The following PAX5 variants were observed in gnomAD, a reference collection of about 807,000 sequenced individuals.
The protein encoded by PAX5 is paired box 5, also known as paired box protein Pax-5.
A neutral mutation model predicts 43.7 loss-of-function variants in PAX5; 9 were observed. That is an observed-to-expected ratio of 0.21 (90% CI 0.12 to 0.36). The LOEUF (loss-of-function observed/expected upper bound fraction) is 0.36. PAX5 is among the 10% of genes least tolerant of loss of function. PAX5 has a pLI of 1.00. For synonymous variants in PAX5, 228 were observed against 214.3 expected, an observed-to-expected ratio of 1.06 and a Z score of -0.56; for missense variants, 383 against 532.7, an observed-to-expected ratio of 0.72 and a Z score of 2.77.
Position 36,838,007 on chromosome 9 carries a change from G to A in PAX5, c.*2553C>T. 2 of 233,314 alleles carry A rather than the reference G, an allele frequency of 8.6e-6. No individual in the cohort carries two copies. Among genetic ancestry groups the A allele is most frequent in the Non-Finnish European group, 8.5e-6 (1 of 118,086 alleles). The allele number at this position is 233,314 out of a possible 1,614,324, so 14.5% of individuals were successfully genotyped here. On this transcript the variant is annotated 3_prime_UTR_variant, in exon 10 of 10. Coordinates refer to ENST00000358127, the MANE Select transcript of PAX5 (RefSeq NM_016734.3). ...CAGGGGGCAGAGGCTCAAGAAGTCT[G>A]TGCTGAAGACCCCTGACCCCACCAC...
chr9:37,000,077 C>T (rs540385157), intron 5 of PAX5, among the ~76,000 whole-genome samples: 12 of 152,170 alleles, frequency 7.9e-5, no homozygotes, highest in African/African-American at 2.9e-4. Flanking sequence ...CCTCCATCCC[C>T]TCCCCTAGTA....
intron 7 of PAX5, among the ~76,000 whole-genome samples, chr9:36,892,625 C>T (rs751643597): frequency 2.0e-5 from 3 of 152,158 alleles, no homozygotes; most frequent in South Asian, 2.1e-4. Flanking sequence ...ACAAAATGCA[C>T]GCTCCCCTGT....
chr9:36,840,208 C>G lies in PAX5; in HGVS notation c.*352G>C, dbSNP rs1196873071. The G allele has an allele frequency of 2.1e-6, 1 of 465,516 alleles. No homozygotes were observed. The highest frequency in any genetic ancestry group is 3.9e-5 in the East Asian group (1 of 25,800). The allele number at this position is 465,516 out of a possible 1,614,324, so 28.8% of individuals were successfully genotyped here. A position where few individuals can be genotyped will look rare whatever the true frequency, so the allele number is the denominator to read the frequency against. On this transcript the variant is annotated 3_prime_UTR_variant, in exon 10 of 10. Coordinates refer to ENST00000358127, the MANE Select transcript of PAX5 (RefSeq NM_016734.3). ...TGCTGAAGCAACAAAAGCAAGCTCT[C>G]CTTCCCAGGCTGGGGTGGTTATGAT...
intron 8 of PAX5, among the ~76,000 whole-genome samples, chr9:36,866,236 G>GT (rs1587810188): frequency 1.3e-5 from 2 of 152,252 alleles, no homozygotes; most frequent in East Asian, 3.8e-4. Flanking sequence ...CAGAACCTCA[G>GT]TTGGGGTCGT....
At chr9:36,995,679 G>A (rs966725993) in intron 5 of PAX5, among the ~76,000 whole-genome samples, 1 of 152,204 alleles carries the variant, frequency 6.6e-6, no homozygotes, top group African/African-American at 2.4e-5. Flanking sequence ...GATCTGGGCA[G>A]ACCGCCTCTC....
chr9:36,890,533 C>T (rs560383635), intron 7 of PAX5, among the ~76,000 whole-genome samples: 1 of 152,328 alleles, frequency 6.6e-6, no homozygotes, highest in East Asian at 1.9e-4. Context: ...TTCACCCCCT[C>T]TCTGGGCCTT....
At position 37,002,560 on chromosome 9, in the gene PAX5, C is replaced by T. The variant is rs543698028; in HGVS notation, c.604+88G>A. On this transcript the variant is annotated intron_variant, in intron 5 of 9. Coordinates refer to ENST00000358127, the MANE Select transcript of PAX5 (RefSeq NM_016734.3). ...CCTCTGCAGGTAAGGGGGGTGTTCG[C>T]GGGCACCTCTGCTGCCACCCGCGAC... 7.2e-5 allele frequency: 102 copies of T among 1,425,258 alleles called. No homozygotes were observed. In the East Asian group the frequency reaches 2.3e-3, roughly 31 times the overall value. 88.3% of individuals were successfully genotyped at this position (1,425,258 alleles called of 1,614,324 possible). A position where few individuals can be genotyped will look rare whatever the true frequency, so the allele number is the denominator to read the frequency against.
intron 5 of PAX5, among the ~76,000 whole-genome samples, chr9:36,990,806 C>T (rs1046654200): frequency 1.3e-5 from 2 of 152,190 alleles, no homozygotes; most frequent in East Asian, 1.9e-4. Context: ...CCCTGCTTCC[C>T]GCTAATTTAA....
intron 8 of PAX5, among the ~76,000 whole-genome samples, chr9:36,856,904 G>A (rs542611755): frequency 6.6e-6 from 1 of 152,326 alleles, no homozygotes; most frequent in Non-Finnish European, 1.5e-5. Context: ...GCCACTGGCA[G>A]ATGCTTGGCC....
chr9:36,971,212 G>C (rs1834904189), intron 5 of PAX5, among the ~76,000 whole-genome samples: 1 of 152,246 alleles, frequency 6.6e-6, no homozygotes, highest in South Asian at 2.1e-4. Flanking sequence ...AAAGGTACAA[G>C]TATCAACCAA....
At chr9:37,026,017 T>G (rs1840318304) in intron 1 of PAX5, among the ~76,000 whole-genome samples, 1 of 152,196 alleles carries the variant, frequency 6.6e-6, no homozygotes, top group South Asian at 2.1e-4. Context: ...CAGGACGCCT[T>G]TGGAGCCCTA....
In PAX5 at chr9:36,882,139, C is replaced by A. The variant is rs1388575556; in HGVS notation, c.911-34G>T. On this transcript the variant is annotated intron_variant, in intron 7 of 9. Transcript: ENST00000358127. This position sits in a 1 kb window ranked among gnomAD's most constrained non-coding sequence, Gnocchi z 4.4. ...TCAAAGCAACAAATCACAGGGTGAG[C>A]ATCTTCGCGGCCAGCCGCTCATGTC... 2.0e-6 allele frequency: 3 copies of A among 1,522,496 alleles called. No homozygotes were observed. 94.3% of individuals were successfully genotyped at this position (1,522,496 alleles called of 1,614,324 possible). A position where few individuals can be genotyped will look rare whatever the true frequency, so the allele number is the denominator to read the frequency against.
intron 5 of PAX5, among the ~76,000 whole-genome samples, chr9:36,994,953 C>A (rs1175715949): frequency 6.6e-6 from 1 of 152,158 alleles, no homozygotes; most frequent in African/African-American, 2.4e-5. Flanking sequence ...CCCAGCAGAA[C>A]CTTGGTCCTG....
chr9:36,888,095 G>T (rs748706014), intron 7 of PAX5, among the ~76,000 whole-genome samples: 3 of 152,152 alleles, frequency 2.0e-5, no homozygotes, highest in Non-Finnish European at 4.4e-5. Context: ...ATACCCACTG[G>T]GAAGGTCACA....
At chr9:36,933,405 A>C (rs767600869) in intron 6 of PAX5, among the ~76,000 whole-genome samples, 6 of 152,078 alleles carry the variant, frequency 3.9e-5, no homozygotes, top group Non-Finnish European at 5.9e-5. Flanking sequence ...CAAACACAAG[A>C]AGTCTAAGTC....
intron 4 of PAX5, among the ~76,000 whole-genome samples, chr9:37,003,170 A>AAC (rs1201433996): frequency 3.4e-4 from 50 of 146,908 alleles, no homozygotes; most frequent in African/African-American, 1.2e-3. Flanking sequence ...AAAAAAAAAA[A>AAC]AAAAAAAAAA....
chr9:36,894,676 CA>C lies in PAX5; in HGVS notation c.911-12572del, dbSNP rs201466392. Among the ~76,000 whole-genome samples the C allele has an allele frequency of 6.5e-3, 993 of 152,334 alleles. 6 individuals are homozygous for C. The highest frequency in any genetic ancestry group is 0.023 in the African/African-American group (954 of 41,572). On this transcript the variant is annotated intron_variant, in intron 7 of 9. Transcript: ENST00000358127. The stretch of plus-strand genomic sequence containing the variant: ...GTCACATGGATTAAATTAACAAATA[CA>C]GGTAAGGCCCCTAGCACAGGGCCCA...
chr9:36,851,994 A>C (rs1210986223), intron 8 of PAX5, among the ~76,000 whole-genome samples: 1 of 152,190 alleles, frequency 6.6e-6, no homozygotes, highest in Non-Finnish European at 1.5e-5. Flanking sequence ...TTCCTCTTCC[A>C]AGCTGTGTGG....
chr9:36,928,431 A>G (rs1450409932), intron 6 of PAX5, among the ~76,000 whole-genome samples: 1 of 152,206 alleles, frequency 6.6e-6, no homozygotes, highest in South Asian at 2.1e-4. Context: ...CTATGCTTCC[A>G]TACTTGGTGG....
Sources: allele counts gnomAD v4.1 joint callset (sites outside exome capture counted in the v4.1 genomes callset), GRCh38; gene constraint gnomAD v4.1.1; non-coding constraint Gnocchi (gnomAD v3.1); transcripts MANE v1.5; gene names NCBI Gene and HGNC (gene_info 2026-07-23, HGNC 2026-07-21).